The following CAPN5 variants were observed in gnomAD, a reference collection of about 807,000 sequenced individuals.
CAPN5 encodes the protein calpain 5, also known as calpain-5.
In CAPN5, 54 loss-of-function variants were observed where a neutral mutation model predicts 73.0. The ratio of observed to expected loss-of-function variants is 0.74; its 90% CI spans 0.59 to 0.93. The LOEUF (loss-of-function observed/expected upper bound fraction) is 0.93. Among genes scored for constraint, CAPN5 ranks in the 40% least tolerant of loss-of-function variants. The pLI is 0.00. For synonymous variants in CAPN5, 335 were observed against 356.9 expected (o/e 0.94, Z 0.69); for missense variants, 785 against 882.9 (o/e 0.89, Z 1.41).
chr11:77,122,490 G>C lies in CAPN5; in HGVS notation c.1604-86G>C, dbSNP rs541275139. 3.5e-6 allele frequency: 4 copies of C among 1,142,602 alleles called. No homozygotes were observed. In the South Asian group the frequency reaches 5.5e-5, roughly 16 times the overall value. The allele number at this position is 1,142,602 out of a possible 1,614,324, so 70.8% of individuals were successfully genotyped here. A position where few individuals can be genotyped will look rare whatever the true frequency, so the allele number is the denominator to read the frequency against. On this transcript the variant is annotated intron_variant, in intron 11 of 12. Transcript: ENST00000648180. ...GTCTCTCCATCTGAATAACTGAGCC[G>C]GGTGGGCATCTCACCTGTAGATATC...
rs781865495 is a variant in CAPN5, at chr11:77,118,255, C to T, written c.1070C>T (p.Ala357Val). The T allele has an allele frequency of 1.4e-5, 23 of 1,614,006 alleles. No homozygotes were observed. In the South Asian group the frequency reaches 2.4e-4, roughly 17 times the overall value. The change falls in exon 8 of 13, where the codon GCC (alanine) becomes GTC (valine). Residue 357 changes from alanine (A) to valine (V), a missense_variant. By Grantham distance (64) the Ala-to-Val change is moderately conservative (BLOSUM62 0). Transcript: ENST00000648180. ...AGCATCCACAAGACGTGGGAGGAGG[C>T]CCGGCTGCATGGCGCCTGGACGCTG... ...HLSIHKTWEE[A>V]RLHGAWTLHE...
At chr11:77,113,145 T>C (rs1201658974) in intron 4 of CAPN5, among the ~76,000 whole-genome samples, 1 of 152,200 alleles carries the variant, frequency 6.6e-6, no homozygotes, top group Non-Finnish European at 1.5e-5. Flanking sequence ...GGGGCCTTGG[T>C]TGGGGAAGTG....
intron 2 of CAPN5, among the ~76,000 whole-genome samples, 183 bp downstream of exon 2, chr11:77,085,234 T>C (rs974106510): frequency 2.0e-5 from 3 of 152,212 alleles, no homozygotes; most frequent in Non-Finnish European, 2.9e-5. Flanking sequence ...GCTGTAATCC[T>C]GTGGCCACCA....
intron 1 of CAPN5, 81 bp from the exon 2 acceptor site, chr11:77,084,771 G>C: frequency 7.9e-7 from 1 of 1,266,136 alleles, no homozygotes; most frequent in East Asian, 2.4e-5. Flanking sequence ...CTGTGCCATG[G>C]GGCTGATGAT....
chr11:77,106,496 G>T (rs1292495195), intron 3 of CAPN5, among the ~76,000 whole-genome samples: 1 of 152,030 alleles, frequency 6.6e-6, no homozygotes, highest in African/African-American at 2.4e-5. Context: ...GCCCAGAGAG[G>T]CAGCTAGTGT....
At chr11:77,088,659 G>A (rs1555036014) in intron 2 of CAPN5, among the ~76,000 whole-genome samples, 1 of 152,162 alleles carries the variant, frequency 6.6e-6, no homozygotes, top group Admixed American at 6.5e-5. Context: ...CTAGATTCCA[G>A]GAGGGTGGTG....
chr11:77,093,162 T>C (rs1555036795), intron 2 of CAPN5, among the ~76,000 whole-genome samples: 2 of 152,170 alleles, frequency 1.3e-5, no homozygotes, highest in African/African-American at 4.8e-5. Flanking sequence ...GCAAGTGCCA[T>C]GCGGGGCCTG....
In CAPN5 at chr11:77,073,236, G is replaced by A. The variant is rs955156791; in HGVS notation, c.-36+6142G>A. 1.7e-5 allele frequency: 10 copies of A among 595,512 alleles called. No homozygotes were observed. In the African/African-American group the frequency reaches 1.9e-4, roughly 11 times the overall value. 36.9% of individuals were successfully genotyped at this position (595,512 alleles called of 1,614,324 possible). On this transcript the variant is annotated intron_variant, in intron 1 of 12. Transcript: ENST00000648180. ...TGGTGAGCTGCTCACCCGAGGCTTG[G>A]CCTGGGGCTGCCCCCTGCCCAACAG...
At chr11:77,089,560 C>T (rs935992401) in intron 2 of CAPN5, among the ~76,000 whole-genome samples, 46 of 152,312 alleles carry the variant, frequency 3.0e-4, no homozygotes, top group Middle Eastern at 3.4e-3. Context: ...CTTCCCCAAA[C>T]CCTTGGTCTC....
chr11:77,085,075 G>A, intron 2 of CAPN5, 24 bp downstream of exon 2: 1 of 1,609,080 alleles, frequency 6.2e-7, no homozygotes, highest in Non-Finnish European at 8.5e-7. Context: ...CCCAGCTGGA[G>A]CTGGGTGAGC....
chr11:77,105,263 G>A (rs1463812813), intron 3 of CAPN5, among the ~76,000 whole-genome samples: 1 of 151,812 alleles, frequency 6.6e-6, no homozygotes, highest in Non-Finnish European at 1.5e-5. Flanking sequence ...ATCCCTCACG[G>A]CCCCGAGCAC....
intron 3 of CAPN5, among the ~76,000 whole-genome samples, chr11:77,100,951 T>G (rs1950277432): frequency 6.6e-6 from 1 of 152,186 alleles, no homozygotes; most frequent in South Asian, 2.1e-4. Context: ...CTGGAGGTCT[T>G]CAGCCAAAGG....
chr11:77,084,437 C>G (rs550907674), intron 1 of CAPN5, among the ~76,000 whole-genome samples: 1 of 152,274 alleles, frequency 6.6e-6, no homozygotes, highest in African/African-American at 2.4e-5. Context: ...GTGCCACTCT[C>G]TAGAGGTGGG....
intron 11 of CAPN5, 32 bp from the exon 12 acceptor site, chr11:77,122,544 C>T: frequency 7.6e-7 from 1 of 1,313,062 alleles, no homozygotes; most frequent in Non-Finnish European, 1.1e-6. Context: ...CCCACCCCCA[C>T]CCTCACCCCA....
Position 77,115,412 on chromosome 11 carries a change from C to A in CAPN5, c.717C>A (p.Asp239Glu), listed in dbSNP as rs782602194. ...SASIKAVTAA[D>E]MEARLACGLV... is the part of the protein sequence containing the mutation. ...CTCCACAGGCAGTGACAGCAGCTGA[C>A]ATGGAGGCCCGCCTGGCGTGCGGCC... Residue 239 changes from aspartate (D) to glutamate (E), a missense_variant, in exon 6 of 13, where the codon GAC becomes GAA. Physicochemically the swap from Asp to Glu is conservative, Grantham distance 45. Transcript: ENST00000648180. 1.9e-6 allele frequency: 3 copies of A among 1,604,164 alleles called. No homozygotes were observed. Among genetic ancestry groups the A allele is most frequent in the Non-Finnish European group, 2.6e-6 (3 of 1,172,926 alleles).
intron 11 of CAPN5, 152 bp from the exon 12 acceptor site, chr11:77,122,424 G>A: frequency 1.5e-6 from 1 of 670,106 alleles, no homozygotes; most frequent in East Asian, 2.7e-5. Flanking sequence ...TGGCCGGCCT[G>A]TCTCTGGAAA....
chr11:77,076,660 T>A (rs1327885120), intron 1 of CAPN5, among the ~76,000 whole-genome samples: 1 of 152,240 alleles, frequency 6.6e-6, no homozygotes. Context: ...GTATATTGCC[T>A]TCCTCGTTTA....
At chr11:77,116,501 T>G (rs1950469888) in intron 7 of CAPN5, among the ~76,000 whole-genome samples, 198 bp downstream of exon 7, 1 of 152,190 alleles carries the variant, frequency 6.6e-6, no homozygotes, top group African/African-American at 2.4e-5. Context: ...ACCAGGCCCT[T>G]TCATCCCCAC....
At chr11:77,067,430 A>G (rs1949855351) in intron 1 of CAPN5, among the ~76,000 whole-genome samples, 1 of 150,702 alleles carries the variant, frequency 6.6e-6, no homozygotes, top group Non-Finnish European at 1.5e-5. Context: ...ACTTCCTCTC[A>G]TCTTCCTTAC....
Sources: allele counts gnomAD v4.1 joint callset (sites outside exome capture counted in the v4.1 genomes callset), GRCh38; gene constraint gnomAD v4.1.1; transcripts MANE v1.5; gene names NCBI Gene and HGNC (gene_info 2026-07-23, HGNC 2026-07-21).